STK32B: variants seen among roughly 807,000 people sequenced by gnomAD.
STK32B encodes the protein serine/threonine-protein kinase 32B.
In STK32B, 43 loss-of-function variants were observed where a neutral mutation model predicts 52.6. That is an observed-to-expected ratio of 0.82 (90% confidence interval 0.64 to 1.05). STK32B has a LOEUF of 1.05. STK32B is among the 50% of genes least tolerant of loss of function. The pLI, the probability that STK32B is intolerant of heterozygous loss-of-function variation, is 0.00. For synonymous variants in STK32B, 238 were observed against 204.3 expected (o/e 1.17, Z -1.41); for missense variants, 621 against 534.6 (o/e 1.16, Z -1.59).
At chr4:5,072,071 G>A (rs1257121047) in intron 1 of STK32B, among the ~76,000 whole-genome samples, 2 of 152,082 alleles carry the variant, frequency 1.3e-5, no homozygotes, top group East Asian at 1.9e-4. Flanking sequence ...ATGGGAATAC[G>A]GTGTTAGATT....
At chr4:5,410,175 GA>G (rs756050735) in intron 5 of STK32B, among the ~76,000 whole-genome samples, 2 of 152,180 alleles carry the variant, frequency 1.3e-5, no homozygotes, top group Non-Finnish European at 2.9e-5. Context: ...TATTAGCAGA[GA>G]GCCAGGGTTG....
At chr4:5,239,352 G>C (rs749840378) in intron 3 of STK32B, among the ~76,000 whole-genome samples, 1 of 152,176 alleles carries the variant, frequency 6.6e-6, no homozygotes, top group African/African-American at 2.4e-5. Flanking sequence ...AAGCCAAGCA[G>C]TCAATAGAAT....
intron 5 of STK32B, among the ~76,000 whole-genome samples, chr4:5,405,867 A>G (rs1293984062): frequency 6.6e-6 from 1 of 152,104 alleles, no homozygotes; most frequent in Non-Finnish European, 1.5e-5. Flanking sequence ...ACACCGTATT[A>G]TTTCACCTTC....
At chr4:5,255,895 A>G (rs1322486700) in intron 3 of STK32B, among the ~76,000 whole-genome samples, 1 of 152,190 alleles carries the variant, frequency 6.6e-6, no homozygotes, top group African/African-American at 2.4e-5. Context: ...ATTCTTATCC[A>G]TGGTGAACAT....
At chr4:5,451,923 G>C (rs1052754110) in intron 7 of STK32B, among the ~76,000 whole-genome samples, 1 of 151,998 alleles carries the variant, frequency 6.6e-6, no homozygotes, top group Non-Finnish European at 1.5e-5. Flanking sequence ...AGGAACCCTC[G>C]CCCCTTTCAC....
intron 3 of STK32B, among the ~76,000 whole-genome samples, chr4:5,226,550 C>T (rs1346720769): frequency 6.6e-6 from 1 of 152,188 alleles, no homozygotes. Flanking sequence ...CTTTGTCCAC[C>T]GTATCTATGC....
rs1735845763 is a variant in STK32B at position 5,380,126 on chromosome 4, A to G, written c.435-18081A>G. ...CTTGCTTCTCAGGGGCAATTTGAAT[A>G]TGTTTATTATTCTGGTGAAGCCGCT... On this transcript the variant is annotated intron_variant, in intron 4 of 11. Coordinates refer to ENST00000282908, the MANE Select transcript of STK32B (RefSeq NM_018401.3). This position sits in a 1 kb window ranked among gnomAD's most constrained non-coding sequence, Gnocchi z 4.3. Among the ~76,000 whole-genome samples the G allele has an allele frequency of 6.6e-6, 1 of 152,090 alleles. No homozygotes were observed. The highest frequency in any genetic ancestry group is 1.5e-5 in the Non-Finnish European group (1 of 68,030).
chr4:5,235,465 A>C (rs11729112), intron 3 of STK32B, among the ~76,000 whole-genome samples: 101,392 of 152,148 alleles, frequency 0.67, 40,316 homozygotes, highest in Non-Finnish European at 0.9. Flanking sequence ...AAATGTCTTA[A>C]TATGTGGCAA....
chr4:5,183,397 A>G (rs2108755328), intron 3 of STK32B, among the ~76,000 whole-genome samples: 1 of 152,114 alleles, frequency 6.6e-6, no homozygotes, highest in East Asian at 1.9e-4. Context: ...GAATCGCTTG[A>G]ACTGAGGAAG....
chr4:5,468,801 A>G (rs61566868), intron 11 of STK32B, among the ~76,000 whole-genome samples: 14,292 of 152,074 alleles, frequency 0.094, 1,276 homozygotes, highest in African/African-American at 0.23. Flanking sequence ...GGTGGCTCAC[A>G]CCTGTAATTC....
intron 11 of STK32B, among the ~76,000 whole-genome samples, chr4:5,496,822 G>T (rs1032745110): frequency 4.0e-5 from 6 of 151,038 alleles, no homozygotes; most frequent in Non-Finnish European, 7.4e-5. Context: ...AAAAAAAACA[G>T]CATGAAGATC....
chr4:5,253,361 T>C (rs1474109003), intron 3 of STK32B, among the ~76,000 whole-genome samples: 1 of 152,038 alleles, frequency 6.6e-6, no homozygotes. Context: ...TCTAGCAAAA[T>C]GTTTAGATTT....
intron 11 of STK32B, among the ~76,000 whole-genome samples, chr4:5,485,425 GT>G (rs1276612755): frequency 2.0e-5 from 3 of 152,108 alleles, no homozygotes; most frequent in Non-Finnish European, 4.4e-5. Flanking sequence ...TCGTGCCATG[GT>G]TTTCAGCTCT....
chr4:5,323,636 A>G (rs1046586831), intron 3 of STK32B, among the ~76,000 whole-genome samples: 2 of 152,138 alleles, frequency 1.3e-5, no homozygotes, highest in African/African-American at 2.4e-5. Context: ...TTTTCTGTAC[A>G]ATGCCCCACT....
chr4:5,026,392 A>G, the STK32B span, among the ~76,000 whole-genome samples: 2 of 152,180 alleles, frequency 1.3e-5, no homozygotes, highest in African/African-American at 2.4e-5. Flanking sequence ...CCAGTTCTGC[A>G]TGGCTGGGGA....
chr4:5,110,791 A>G (rs554755463), intron 1 of STK32B, among the ~76,000 whole-genome samples: 2 of 152,250 alleles, frequency 1.3e-5, no homozygotes, highest in East Asian at 3.9e-4. Context: ...AAGCTTATGC[A>G]TAGCAAAAGA....
intron 3 of STK32B, among the ~76,000 whole-genome samples, chr4:5,195,810 C>CT (rs547387415): frequency 7.4e-4 from 113 of 152,336 alleles, no homozygotes; most frequent in African/African-American, 2.3e-3. Flanking sequence ...TGTGCACCAC[C>CT]TTCCTGTCTG....
At chr4:5,317,635 C>G (rs1477331203) in intron 3 of STK32B, among the ~76,000 whole-genome samples, 6 of 145,294 alleles carry the variant, frequency 4.1e-5, no homozygotes, top group African/African-American at 1.6e-4. Context: ...ATGCCCTGGA[C>G]CAGGCCCTGA....
At chr4:5,291,236 T>C (rs1027378298) in intron 3 of STK32B, among the ~76,000 whole-genome samples, 7 of 152,178 alleles carry the variant, frequency 4.6e-5, no homozygotes, top group Admixed American at 1.3e-4. Flanking sequence ...ATAATTGTGT[T>C]GAATCTGTAG....
Sources: gnomAD v4.1 joint callset for allele counts (sites outside exome capture counted in the v4.1 genomes callset) on GRCh38, gnomAD v4.1.1 for gene constraint, Gnocchi (gnomAD v3.1) non-coding constraint, MANE v1.5 for transcripts, NCBI Gene and HGNC (gene_info 2026-07-23, HGNC 2026-07-21) for gene names.